Variants in NKAIN2 observed in about 807,000 individuals in gnomAD.
NKAIN2 encodes the protein sodium/potassium transporting ATPase interacting 2, also known as sodium/potassium-transporting ATPase subunit beta-1-interacting protein 2.
A neutral mutation model predicts 32.6 loss-of-function variants in NKAIN2; 14 were observed. The ratio of observed to expected loss-of-function variants is 0.43; its 90% CI spans 0.28 to 0.67. NKAIN2 has a LOEUF of 0.67. Among genes scored for constraint, NKAIN2 ranks in the 30% least tolerant of loss-of-function variants. The probability of loss-of-function intolerance (pLI) is 0.17; values close to 1 mark genes in which losing one functional copy is unlikely to be tolerated. For missense variants in NKAIN2, 198 were observed against 258.3 expected, an observed-to-expected ratio of 0.77 and a Z score of 1.60; for synonymous variants, 80 against 87.2, an observed-to-expected ratio of 0.92 and a Z score of 0.46.
chr6:124,819,999 C>T (rs2114881582), intron 6 of NKAIN2, among the ~76,000 whole-genome samples: 1 of 152,296 alleles, frequency 6.6e-6, no homozygotes, highest in African/African-American at 2.4e-5. Flanking sequence ...TGAAACCCCA[C>T]TATCCTTTGA....
chr6:124,365,125 T>C (rs1799467329), intron 3 of NKAIN2, among the ~76,000 whole-genome samples: 1 of 151,808 alleles, frequency 6.6e-6, no homozygotes, highest in Non-Finnish European at 1.5e-5. Flanking sequence ...GAAGAAATGC[T>C]AACAACAACA....
At chr6:124,334,204 T>G (rs1408252517) in intron 2 of NKAIN2, among the ~76,000 whole-genome samples, 1 of 152,228 alleles carries the variant, frequency 6.6e-6, no homozygotes, top group Non-Finnish European at 1.5e-5. Flanking sequence ...TTTATTTCTC[T>G]GCACTTCTCA....
chr6:124,673,638 G>A (rs188790686), intron 4 of NKAIN2, among the ~76,000 whole-genome samples: 1 of 152,118 alleles, frequency 6.6e-6, no homozygotes, highest in East Asian at 1.9e-4. Context: ...CGGATGATTA[G>A]TGATGTTGAA....
rs1438559056 is a variant in NKAIN2 at position 124,729,421 on chromosome 6, T to G, written c.475-61918T>G. On this transcript the variant is annotated intron_variant, in intron 4 of 6. Transcript: ENST00000368417. ...GGTTCAATATACACAAATCAATAAA[T>G]GTAATCCAGCATATAAGCAGAGCCA... is the stretch of plus-strand genomic sequence containing the variant. Among the ~76,000 whole-genome samples, 3 of 151,864 alleles carry G rather than the reference T, an allele frequency of 2.0e-5. No individual in the cohort carries two copies. The East Asian group carries it at 5.8e-4, about 29-fold the overall frequency.
At chr6:124,816,522 T>C (rs1781173685) in intron 5 of NKAIN2, among the ~76,000 whole-genome samples, 1 of 152,146 alleles carries the variant, frequency 6.6e-6, no homozygotes, top group African/African-American at 2.4e-5. Flanking sequence ...TGTGTTTGTG[T>C]GGGGGCAGGA....
intron 1 of NKAIN2, among the ~76,000 whole-genome samples, chr6:124,274,786 A>T (rs1010175773): frequency 6.6e-6 from 1 of 152,108 alleles, no homozygotes; most frequent in African/African-American, 2.4e-5. Flanking sequence ...ACTATTCAAA[A>T]AAAAGGTGGG....
At chr6:124,229,314 AG>A (rs1196834346) in intron 1 of NKAIN2, among the ~76,000 whole-genome samples, 3 of 152,198 alleles carry the variant, frequency 2.0e-5, no homozygotes, top group Non-Finnish European at 4.4e-5. Context: ...AACAAATTAA[AG>A]ATTCACTTGA....
intron 3 of NKAIN2, among the ~76,000 whole-genome samples, chr6:124,545,086 G>T (rs1212285262): frequency 1.3e-5 from 2 of 152,186 alleles, no homozygotes; most frequent in African/African-American, 4.8e-5. Flanking sequence ...TTTAAAGGGA[G>T]AGGGAAAGTA....
At chr6:124,760,965 A>C (rs1778237377) in intron 4 of NKAIN2, among the ~76,000 whole-genome samples, 2 of 152,182 alleles carry the variant, frequency 1.3e-5, no homozygotes, top group Admixed American at 1.3e-4. Flanking sequence ...GGCACCCAGC[A>C]AACATTTTTT....
intron 1 of NKAIN2, among the ~76,000 whole-genome samples, chr6:124,163,531 C>A (rs895373820): frequency 3.3e-5 from 2 of 60,164 alleles, no homozygotes; most frequent in Non-Finnish European, 1.3e-4. Context: ...GCAAAGTATC[C>A]CATCATTAGA....
chr6:124,716,143 A>G (rs1262184726), intron 4 of NKAIN2, among the ~76,000 whole-genome samples: 1 of 152,238 alleles, frequency 6.6e-6, no homozygotes, highest in Non-Finnish European at 1.5e-5. Flanking sequence ...GGAGACCTGT[A>G]TAATTAAGAC....
At chr6:123,864,415 T>G (rs924558510) in intron 1 of NKAIN2, among the ~76,000 whole-genome samples, 5 of 152,210 alleles carry the variant, frequency 3.3e-5, no homozygotes, top group African/African-American at 1.2e-4. Context: ...TCCTACCAAG[T>G]ACTGTTGTCT....
At chr6:124,595,210 C>A (rs569349209) in intron 3 of NKAIN2, among the ~76,000 whole-genome samples, 1 of 152,146 alleles carries the variant, frequency 6.6e-6, no homozygotes, top group African/African-American at 2.4e-5. Flanking sequence ...TCACTGCAAA[C>A]GTCCCATGAT....
chr6:124,518,612 A>G (rs1264438205), intron 3 of NKAIN2, among the ~76,000 whole-genome samples: 1 of 152,098 alleles, frequency 6.6e-6, no homozygotes, highest in African/African-American at 2.4e-5. Context: ...GTACCAAGCC[A>G]TGATAGGTCT....
chr6:124,511,369 T>C (rs941363845), intron 3 of NKAIN2, among the ~76,000 whole-genome samples: 3 of 152,130 alleles, frequency 2.0e-5, no homozygotes, highest in African/African-American at 7.2e-5. Flanking sequence ...GTGCCCTGGG[T>C]TCAGGATGTT....
intron 3 of NKAIN2, among the ~76,000 whole-genome samples, chr6:124,384,598 C>T (rs1398029946): frequency 6.6e-6 from 1 of 150,930 alleles, no homozygotes; most frequent in African/African-American, 2.4e-5. Flanking sequence ...TACACAATTG[C>T]TTACAATAGT....
chr6:123,832,212 G>C (rs1183056491), intron 1 of NKAIN2, among the ~76,000 whole-genome samples: 1 of 152,146 alleles, frequency 6.6e-6, no homozygotes, highest in Non-Finnish European at 1.5e-5. Flanking sequence ...ATATCATATA[G>C]TTGGAATCAT....
intron 4 of NKAIN2, among the ~76,000 whole-genome samples, chr6:124,777,079 A>AT (rs1435261290): frequency 6.6e-6 from 1 of 152,286 alleles, no homozygotes; most frequent in African/African-American, 2.4e-5. Context: ...ATGTGATCAG[A>AT]TTTTTTAGTA....
chr6:124,283,059 A>G lies in NKAIN2; in HGVS notation c.109A>G (p.Ile37Val), dbSNP rs1795378188. The change falls in exon 2 of 7, where the codon ATC becomes GTC. Residue 37 changes from isoleucine to valine, a missense_variant. Coordinates refer to ENST00000368417, the MANE Select transcript of NKAIN2 (RefSeq NM_001040214.3). The stretch of plus-strand genomic sequence containing the variant: ...CTTCCTTGGATATCAGTGGGCACCT[A>G]TCCTGGCAAATTTTGTACATATTAT... ...FDFLGYQWAP[I>V]LANFVHIIIV... 1.9e-6 allele frequency: 3 copies of G among 1,612,786 alleles called. No homozygotes were observed. The highest frequency in any genetic ancestry group is 2.5e-6 in the Non-Finnish European group (3 of 1,178,878).
Sources: gnomAD v4.1 joint callset for allele counts (sites outside exome capture counted in the v4.1 genomes callset) on GRCh38, gnomAD v4.1.1 for gene constraint, MANE v1.5 for transcripts, NCBI Gene and HGNC (gene_info 2026-07-23, HGNC 2026-07-21) for gene names.